The following BAIAP2 variants were observed in gnomAD, a reference collection of about 807,000 sequenced individuals.
BAIAP2 encodes BAR/IMD domain containing adaptor protein 2.
A neutral mutation model predicts 63.0 loss-of-function variants in BAIAP2; 18 were observed. The observed-to-expected ratio is 0.29, with a 90% CI of 0.20 to 0.42. The LOEUF is 0.42. BAIAP2 is among the 10% of genes least tolerant of loss of function. BAIAP2 has a pLI of 1.00. For synonymous variants in BAIAP2, 386 were observed against 307.6 expected (o/e 1.25, Z -2.67); for missense variants, 610 against 734.3 (o/e 0.83, Z 1.96).
intron 6 of BAIAP2, among the ~76,000 whole-genome samples, chr17:81,091,344 C>G (rs906369376): frequency 6.6e-6 from 1 of 152,100 alleles, no homozygotes; most frequent in Non-Finnish European, 1.5e-5. Context: ...AAGCAGAGAC[C>G]TCTTCACCGG....
chr17:81,036,689 C>T (rs902117609), intron 1 of BAIAP2, among the ~76,000 whole-genome samples: 2 of 152,188 alleles, frequency 1.3e-5, no homozygotes, highest in Non-Finnish European at 2.9e-5. Context: ...TTCAGGGTGA[C>T]CTGAGGAGTC....
Position 81,108,503 on chromosome 17 carries a change from T to C in BAIAP2, c.1529T>C (p.Met510Thr), listed in dbSNP as rs2059438943. ...QGLDDYGARS[M>T]SRNPFAHVQL... is the part of the protein sequence containing the mutation. The stretch of plus-strand genomic sequence containing the variant: ...CTGGATGACTATGGAGCGCGGTCCA[T>C]GAGCAGGTAAGGGGACTTTCAGACC... Residue 510 changes from methionine (M) to threonine (T), a missense_variant, in exon 13 of 14, where the codon ATG becomes ACG. By Grantham distance (81) the Met-to-Thr change is moderately conservative (BLOSUM62 -1). Transcript: ENST00000428708. 6.2e-7 allele frequency: 1 copy of C among 1,613,848 alleles called. No individual in the cohort carries two copies. Among genetic ancestry groups the C allele is most frequent in the Non-Finnish European group, 8.5e-7 (1 of 1,180,000 alleles).
chr17:81,075,848 C>T (rs913676604), intron 3 of BAIAP2, among the ~76,000 whole-genome samples: 2 of 152,220 alleles, frequency 1.3e-5, no homozygotes, highest in Non-Finnish European at 2.9e-5. Flanking sequence ...GCCACAGGCT[C>T]CATATGAGGC....
At chr17:81,070,790 T>G (rs186732532) in intron 3 of BAIAP2, among the ~76,000 whole-genome samples, 1 of 152,210 alleles carries the variant, frequency 6.6e-6, no homozygotes, top group Non-Finnish European at 1.5e-5. Flanking sequence ...CCTGGGACGC[T>G]GGGAGTGTGT....
rs374699945 is a variant in BAIAP2 at position 81,100,402 on chromosome 17, C to T, written c.642+322C>T. Among the ~76,000 whole-genome samples the T allele has an allele frequency of 1.7e-4, 26 of 152,286 alleles. No individual in the cohort carries two copies. In the East Asian group the frequency reaches 4.1e-3, roughly 24 times the overall value. ...TGTCCTGGGCAGGTGCAGGCTGACG[C>T]CAGGCAGGGGACGGTCATGCTCCGT... is the stretch of plus-strand genomic sequence containing the variant. On this transcript the variant is annotated intron_variant, in intron 7 of 13. Coordinates refer to ENST00000428708, the MANE Select transcript of BAIAP2 (RefSeq NM_001144888.2).
chr17:81,038,492 T>C (rs903187347), intron 1 of BAIAP2, among the ~76,000 whole-genome samples: 5 of 152,236 alleles, frequency 3.3e-5, no homozygotes, highest in Admixed American at 2.6e-4. Context: ...GGAGTCCCTG[T>C]TGCAGACGTG....
intron 3 of BAIAP2, among the ~76,000 whole-genome samples, chr17:81,067,735 C>A (rs1408881785): frequency 5.9e-5 from 9 of 152,214 alleles, no homozygotes; most frequent in Admixed American, 5.9e-4. Flanking sequence ...AGCATCGCAG[C>A]GGGGAGGCAC....
chr17:81,064,121 G>C (rs559486046), intron 3 of BAIAP2, among the ~76,000 whole-genome samples: 2 of 152,362 alleles, frequency 1.3e-5, no homozygotes, highest in Admixed American at 1.3e-4. Flanking sequence ...GCAAGCAGTG[G>C]TGCCAACCCT....
intron 8 of BAIAP2, 82 bp downstream of exon 8, chr17:81,103,805 A>C: frequency 6.3e-7 from 1 of 1,581,916 alleles, no homozygotes; most frequent in Non-Finnish European, 8.6e-7. Context: ...GCCAGGGTGC[A>C]GAGTCCAGGG....
intron 13 of BAIAP2, among the ~76,000 whole-genome samples, chr17:81,115,527 C>T (rs534767288): frequency 3.3e-5 from 5 of 152,254 alleles, no homozygotes; most frequent in Non-Finnish European, 7.4e-5. Context: ...GGTGATGGAT[C>T]GGGGTGGGGG....
At chr17:81,095,001 C>T (rs2057387634) in intron 6 of BAIAP2, among the ~76,000 whole-genome samples, 1 of 152,266 alleles carries the variant, frequency 6.6e-6, no homozygotes, top group Admixed American at 6.5e-5. Flanking sequence ...CTCTGAGTCA[C>T]CGCATGCTGC....
At chr17:81,111,050 G>A in intron 13 of BAIAP2, 2 of 1,515,044 alleles carry the variant, frequency 1.3e-6, no homozygotes, top group Non-Finnish European at 1.8e-6. Context: ...TGGGTGGGGA[G>A]GGCCCGGCTG....
intron 3 of BAIAP2, among the ~76,000 whole-genome samples, chr17:81,074,416 G>A (rs901089291): frequency 6.7e-5 from 10 of 148,384 alleles, no homozygotes; most frequent in South Asian, 6.5e-4. Flanking sequence ...GCATGGATGC[G>A]TGTGAGTACG....
rs375042248 is a variant in BAIAP2 at position 81,049,268 on chromosome 17, T to C, written c.55-4400T>C. On this transcript the variant is annotated intron_variant, in intron 1 of 13. Coordinates refer to ENST00000428708, the MANE Select transcript of BAIAP2 (RefSeq NM_001144888.2). ...CAGAACGTGGGCCCCTGGGGAGCTC[T>C]CTCTGTGCCTGTGGCCCCCCAGGAG... Among the ~76,000 whole-genome samples the C allele has an allele frequency of 2.3e-3, 352 of 152,312 alleles. 1 individual carries two copies. The highest frequency in any genetic ancestry group is 8.0e-3 in the African/African-American group (331 of 41,568).
At chr17:81,109,126 C>G in intron 13 of BAIAP2, 1 of 1,455,048 alleles carries the variant, frequency 6.9e-7, no homozygotes, top group Non-Finnish European at 9.1e-7. Flanking sequence ...TGCCCCATGC[C>G]TTTTGGTTGG....
At chr17:81,043,791 A>G (rs2047415515) in intron 1 of BAIAP2, among the ~76,000 whole-genome samples, 1 of 152,102 alleles carries the variant, frequency 6.6e-6, no homozygotes, top group Non-Finnish European at 1.5e-5. Flanking sequence ...AGCTCATTGA[A>G]ACTGCAGAGC....
At chr17:81,039,520 G>C (rs555528596) in intron 1 of BAIAP2, among the ~76,000 whole-genome samples, 4 of 152,216 alleles carry the variant, frequency 2.6e-5, no homozygotes, top group African/African-American at 9.7e-5. Flanking sequence ...TGTCCTGCCC[G>C]TGCCTGCTGT....
At chr17:81,047,948 C>T (rs893925007) in intron 1 of BAIAP2, among the ~76,000 whole-genome samples, 1 of 152,252 alleles carries the variant, frequency 6.6e-6, no homozygotes, top group Admixed American at 6.5e-5. Flanking sequence ...GCCATACGCG[C>T]CCACCCTGGC....
rs370082792 is a variant in BAIAP2 at position 81,106,880 on chromosome 17, C to T, written c.1473C>T (p.Tyr491=). Residue 491 remains tyrosine, a synonymous_variant, in exon 12 of 14, where the codon TAC becomes TAT. Transcript: ENST00000428708. The part of the protein sequence containing the change: ...QTASGFKQRP[Y]SVAVPAFSQG... ...CCAGCGGCTTCAAGCAGAGGCCCTA[C>T]AGTGTGGCCGTGCCCGCCTTCTCCC... 7 of 1,591,770 alleles carry T rather than the reference C, an allele frequency of 4.4e-6. No individual in the cohort carries two copies. Among genetic ancestry groups the T allele is most frequent in the African/African-American group, 2.7e-5 (2 of 74,596 alleles).
Sources: allele counts gnomAD v4.1 joint callset (sites outside exome capture counted in the v4.1 genomes callset), GRCh38; gene constraint gnomAD v4.1.1; transcripts MANE v1.5; gene names NCBI Gene and HGNC (gene_info 2026-07-23, HGNC 2026-07-21).